The following PHOX2B variants were observed in gnomAD, a reference collection of about 807,000 sequenced individuals.
PHOX2B encodes the protein paired mesoderm homeobox protein 2B.
In PHOX2B, 1 loss-of-function variant was observed where a neutral mutation model predicts 15.5. That is an observed-to-expected ratio of 0.06 (90% CI 0.02 to 0.31). The LOEUF is 0.31. Ranked by LOEUF, PHOX2B falls within the 10% of genes least tolerant of loss-of-function variation. The pLI is 1.00. For synonymous variants in PHOX2B, 206 were observed against 190.5 expected, an observed-to-expected ratio of 1.08 and a Z score of -0.67; for missense variants, 314 against 436.4, an observed-to-expected ratio of 0.72 and a Z score of 2.50.
rs767837376 is a variant in PHOX2B, at chr4:41,746,265, C to A, written c.487G>T (p.Ala163Ser). 5 of 1,612,442 alleles carry A rather than the reference C, an allele frequency of 3.1e-6. No homozygotes were observed. In the South Asian group the frequency reaches 3.3e-5, roughly 11 times the overall value. ...GAGCCGTTCTTGGCCGCGGCCGCTG[C>A]GGCTGCCGCTGCGCGCTCCTGCTTG... is the stretch of plus-strand genomic sequence containing the variant. ...FRKQERAAAA[A>S]AAAAKNGSSG... is the part of the protein sequence containing the mutation. The change falls in exon 3 of 3, where the codon GCA (alanine) becomes TCA (serine). Residue 163 changes from alanine (A) to serine (S), a missense_variant. By Grantham distance (99) the Ala-to-Ser change is moderately conservative. Transcript: ENST00000226382.
At chr4:41,747,195 A>G (rs1388478189) in intron 2 of PHOX2B, among the ~76,000 whole-genome samples, 154 bp downstream of exon 2, 1 of 152,190 alleles carries the variant, frequency 6.6e-6, no homozygotes, top group Non-Finnish European at 1.5e-5. Flanking sequence ...TCTCGAACGC[A>G]CAGCCACACC....
At position 41,745,351 on chromosome 4, in the gene PHOX2B, C is replaced by G. The variant is rs1306465157; in HGVS notation, c.*456G>C. 8.6e-6 allele frequency: 2 copies of G among 233,890 alleles called. No individual in the cohort carries two copies. Among genetic ancestry groups the G allele is most frequent in the Admixed American group, 5.6e-5 (1 of 17,728 alleles). 14.5% of individuals were successfully genotyped at this position (233,890 alleles called of 1,614,324 possible). ...TCCAACTTTTTTGTTTTTATTTTTA[C>G]TTTTTTGTCTTTTTTTTCTAAACAA... On this transcript the variant is annotated 3_prime_UTR_variant, in exon 3 of 3. Coordinates refer to ENST00000226382, the MANE Select transcript of PHOX2B (RefSeq NM_003924.4). The surrounding 1 kb of genome is among the most constrained non-coding windows in gnomAD (Gnocchi z 4.0).
At chr4:41,747,747 T>C in intron 1 of PHOX2B, 1 of 696,154 alleles carries the variant, frequency 1.4e-6, no homozygotes, top group Non-Finnish European at 2.6e-6. Context: ...GGCGGAGTCC[T>C]TTCTGGCACA....
Position 41,745,959 on chromosome 4 carries a change from C to T in PHOX2B, c.793G>A (p.Ala265Thr), listed in dbSNP as rs1010753155. ...CAGCCTTGTCCAGGGCCCCCAGCCG[C>T]AGCCAGGCCTCCAGCTGCCGCCGCT... ...AAAAAAGGLA[A>T]AGGPGQGWAP... is the part of the protein sequence containing the mutation. The change falls in exon 3 of 3, where the codon GCG (alanine) becomes ACG (threonine). Residue 265 changes from alanine to threonine, a missense_variant. By Grantham distance (58) the Ala-to-Thr change is moderately conservative (BLOSUM62 0). This residue lies in a region of PHOX2B where 157 missense variants were observed against 169.0 expected (regional missense o/e 0.93). Transcript: ENST00000226382. This position sits in a 1 kb window ranked among gnomAD's most constrained non-coding sequence, Gnocchi z 4.0. 27 of 1,419,562 alleles carry T rather than the reference C, an allele frequency of 1.9e-5. No homozygotes were observed. The highest frequency in any genetic ancestry group is 2.4e-5 in the Non-Finnish European group (26 of 1,080,152). The allele number at this position is 1,419,562 out of a possible 1,614,324, so 87.9% of individuals were successfully genotyped here. A position where few individuals can be genotyped will look rare whatever the true frequency, so the allele number is the denominator to read the frequency against.
intron 2 of PHOX2B, 70 bp downstream of exon 2, chr4:41,747,279 C>G (rs1733937339): frequency 7.5e-7 from 1 of 1,324,786 alleles, no homozygotes; most frequent in Non-Finnish European, 1.1e-6. Context: ...CGAATTTCAC[C>G]AGCCGCCCCT....
In PHOX2B at chr4:41,745,044, T is replaced by TCCGG. The variant is rs1165013017; in HGVS notation, c.*759_*762dup. On this transcript the variant is annotated 3_prime_UTR_variant, in exon 3 of 3. Coordinates refer to ENST00000226382, the MANE Select transcript of PHOX2B (RefSeq NM_003924.4). This position sits in a 1 kb window ranked among gnomAD's most constrained non-coding sequence, Gnocchi z 4.0. Reference sequence around the variant, plus strand: ...AGGCAAGGGGGTGCGAGAAAGTCACTCCGGCCGCCGGGACAGTCTGAGCAA... The same window carrying TCCGG: ...AGGCAAGGGGGTGCGAGAAAGTCACTCCGGCCGGCCGCCGGGACAGTCTGAGCAA... The TCCGG allele has an allele frequency of 4.3e-6, 1 of 232,854 alleles. No homozygotes were observed. The highest frequency in any genetic ancestry group is 5.6e-5 in the Admixed American group (1 of 17,758). The allele number at this position is 232,854 out of a possible 1,614,324, so 14.4% of individuals were successfully genotyped here. A position where few individuals can be genotyped will look rare whatever the true frequency, so the allele number is the denominator to read the frequency against.
At chr4:41,746,753 GC>G (rs1733913367) in intron 2 of PHOX2B, among the ~76,000 whole-genome samples, 1 of 152,190 alleles carries the variant, frequency 6.6e-6, no homozygotes, top group Non-Finnish European at 1.5e-5. Flanking sequence ...CCCATCCCCG[GC>G]CTTTGAGCCT....
Position 41,746,133 on chromosome 4 carries a change from TG to T in PHOX2B, c.618del (p.Ser207AlafsTer102), listed in dbSNP as rs587776626. Reference sequence around the variant, plus strand: ...CCGCCGCCTCCATTCGCCCCGCAGCTGGGGGTGGGGTTGGGATTGGGACCTG... The same window carrying T: ...CCGCCGCCTCCATTCGCCCCGCAGCTGGGGTGGGGTTGGGATTGGGACCTG... ...GGPGPNPNPT[P>X]SCGANGGGGG... On this transcript the variant is annotated frameshift_variant, in exon 3 of 3. Transcript: ENST00000226382. LOFTEE classifies it low-confidence loss of function (END_TRUNC). The T allele has an allele frequency of 1.9e-6, 3 of 1,601,452 alleles. No individual in the cohort carries two copies. The highest frequency in any genetic ancestry group is 8.5e-7 in the Non-Finnish European group (1 of 1,175,820).
rs373063040 is a variant in PHOX2B, at chr4:41,748,638, G to A, written c.-28C>T. 22 of 1,608,522 alleles carry A rather than the reference G, an allele frequency of 1.4e-5. No individual in the cohort carries two copies. In the African/African-American group the frequency reaches 2.8e-4, roughly 21 times the overall value. On this transcript the variant is annotated 5_prime_UTR_variant, in exon 1 of 3. Transcript: ENST00000226382. ...AAAAGGTTCTGGATGGCTCAGCCAAGTGGAAAAATGAAATAAAAGATGGAT... is the reference window on the plus strand; with the variant it reads ...AAAAGGTTCTGGATGGCTCAGCCAAATGGAAAAATGAAATAAAAGATGGAT...
rs1733991556 is a variant in PHOX2B at position 41,748,652 on chromosome 4, T to C, written c.-42A>G. 1 of 1,599,552 alleles carries C rather than the reference T, an allele frequency of 6.3e-7. No individual in the cohort carries two copies. The highest frequency in any genetic ancestry group is 8.6e-7 in the Non-Finnish European group (1 of 1,168,244). On this transcript the variant is annotated 5_prime_UTR_variant, in exon 1 of 3. Coordinates refer to ENST00000226382, the MANE Select transcript of PHOX2B (RefSeq NM_003924.4). ...GGCTCAGCCAAGTGGAAAAATGAAA[T>C]AAAAGATGGATATGGAGAAGGTGGC...
chr4:41,748,317 T>C, intron 1 of PHOX2B, 53 bp downstream of exon 1: 3 of 1,603,524 alleles, frequency 1.9e-6, no homozygotes, highest in Non-Finnish European at 1.7e-6. Flanking sequence ...CAAGGCTTCC[T>C]ATATACGGGC....
intron 1 of PHOX2B, 52 bp from the exon 2 acceptor site, chr4:41,747,588 C>T (rs368666751): frequency 1.3e-6 from 2 of 1,500,656 alleles, no homozygotes; most frequent in Admixed American, 1.7e-5. Context: ...GGCAGCTCGC[C>T]GGCCGTGGAG....
chr4:41,746,724 C>T (rs1176915525), intron 2 of PHOX2B, among the ~76,000 whole-genome samples: 1 of 55,734 alleles, frequency 1.8e-5, no homozygotes, highest in Non-Finnish European at 3.2e-5. Context: ...AAGGGATCCT[C>T]TCTGGGTTTG....
chr4:41,745,024 AGG>A lies in PHOX2B; in HGVS notation c.*781_*782del, dbSNP rs1383179164. On this transcript the variant is annotated 3_prime_UTR_variant, in exon 3 of 3. Transcript: ENST00000226382. The surrounding 1 kb of genome is among the most constrained non-coding windows in gnomAD (Gnocchi z 4.0). ...GGTGTTCAGCGAGGTGGGACAGGCA[AGG>A]GGGTGCGAGAAAGTCACTCCGGCCG... The A allele has an allele frequency of 2.1e-5, 5 of 233,046 alleles. No homozygotes were observed. Among genetic ancestry groups the A allele is most frequent in the Non-Finnish European group, 4.2e-5 (5 of 118,042 alleles). The allele number at this position is 233,046 out of a possible 1,614,324, so 14.4% of individuals were successfully genotyped here.
Position 41,745,669 on chromosome 4 carries a change from G to C in PHOX2B, c.*138C>G. Reference sequence around the variant, plus strand: ...GCCGTTTTCCCTTTATTCTTAGCGCGATTACTTTAGGCCCTCAATGAAAAA... The same window carrying C: ...GCCGTTTTCCCTTTATTCTTAGCGCCATTACTTTAGGCCCTCAATGAAAAA... On this transcript the variant is annotated 3_prime_UTR_variant, in exon 3 of 3. Transcript: ENST00000226382. This position sits in a 1 kb window ranked among gnomAD's most constrained non-coding sequence, Gnocchi z 4.0. 1 of 1,066,878 alleles carries C rather than the reference G, an allele frequency of 9.4e-7. No homozygotes were observed. Among genetic ancestry groups the C allele is most frequent in the Non-Finnish European group, 1.3e-6 (1 of 767,448 alleles). The allele number at this position is 1,066,878 out of a possible 1,614,324, so 66.1% of individuals were successfully genotyped here.
chr4:41,745,477 C>T lies in PHOX2B; in HGVS notation c.*330G>A, dbSNP rs1733853067. 3.1e-6 allele frequency: 1 copy of T among 322,516 alleles called. No homozygotes were observed. Among genetic ancestry groups the T allele is most frequent in the African/African-American group, 2.1e-5 (1 of 46,644 alleles). The allele number at this position is 322,516 out of a possible 1,614,324, so 20.0% of individuals were successfully genotyped here. A position where few individuals can be genotyped will look rare whatever the true frequency, so the allele number is the denominator to read the frequency against. On this transcript the variant is annotated 3_prime_UTR_variant, in exon 3 of 3. Coordinates refer to ENST00000226382, the MANE Select transcript of PHOX2B (RefSeq NM_003924.4). The surrounding 1 kb of genome is among the most constrained non-coding windows in gnomAD (Gnocchi z 4.0). ...ACACAAACTGACACGCAGACACAGC[C>T]CCCTGAGAGTGCCCCGCGTCCAGGC...
Position 41,747,462 on chromosome 4 carries a change from T to G in PHOX2B, c.316A>C (p.Thr106Pro). 6.2e-7 allele frequency: 1 copy of G among 1,610,324 alleles called. No homozygotes were observed. Among genetic ancestry groups the G allele is most frequent in the Non-Finnish European group, 8.5e-7 (1 of 1,179,682 alleles). ...TCCAGCTCTTTGAGCTGGGCACTGG[T>G]GAAAGTGGTGCGGATGCGCCGCTGC... ...RKQRRIRTTF[T>P]SAQLKELERV... Residue 106 changes from threonine to proline, a missense_variant, in exon 2 of 3, where the codon ACC becomes CCC. Around this residue, in one of 7 missense-constraint regions of PHOX2B, gnomAD observed 102 missense variants for 155.1 expected, o/e 0.66. Coordinates refer to ENST00000226382, the MANE Select transcript of PHOX2B (RefSeq NM_003924.4).
chr4:41,746,700 A>T (rs1008003035), intron 2 of PHOX2B, among the ~76,000 whole-genome samples: 1 of 145,812 alleles, frequency 6.9e-6, no homozygotes, highest in Non-Finnish European at 1.5e-5. Flanking sequence ...TTAAACTCTA[A>T]TTGGTAGAAG....
At position 41,745,129 on chromosome 4, in the gene PHOX2B, C is replaced by T; in HGVS notation, c.*678G>A. The T allele has an allele frequency of 4.4e-6, 1 of 227,402 alleles. No individual in the cohort carries two copies. The highest frequency in any genetic ancestry group is 8.5e-6 in the Non-Finnish European group (1 of 116,978). 14.1% of individuals were successfully genotyped at this position (227,402 alleles called of 1,614,324 possible). On this transcript the variant is annotated 3_prime_UTR_variant, in exon 3 of 3. Coordinates refer to ENST00000226382, the MANE Select transcript of PHOX2B (RefSeq NM_003924.4). This position sits in a 1 kb window ranked among gnomAD's most constrained non-coding sequence, Gnocchi z 4.0. ...ATAGGAAGGGGGGCTGGAACGGCGT[C>T]CCTACTCTTCCCTGAAGAAGAGCCC...
Sources: gnomAD v4.1 joint callset for allele counts (sites outside exome capture counted in the v4.1 genomes callset) on GRCh38, gnomAD v4.1.1 for gene constraint, gnomAD v4.1.1 regional missense constraint, Gnocchi (gnomAD v3.1) non-coding constraint, MANE v1.5 for transcripts, NCBI Gene and HGNC (gene_info 2026-07-23, HGNC 2026-07-21) for gene names.